RNLS: variants seen among roughly 807,000 people sequenced by gnomAD.
The protein encoded by RNLS is renalase, FAD dependent amine oxidase.
A neutral mutation model predicts 39.8 loss-of-function variants in RNLS; 39 were observed. The ratio of observed to expected loss-of-function variants is 0.98; its 90% CI spans 0.76 to 1.28. The LOEUF (loss-of-function observed/expected upper bound fraction) is 1.28. RNLS is among the 50% of genes most tolerant of loss of function. RNLS has a pLI of 0.00. For missense variants in RNLS, 410 were observed against 413.3 expected (o/e 0.99, Z 0.07); for synonymous variants, 147 against 150.7 (o/e 0.98, Z 0.18).
chr10:88,452,733 C>T (rs577555427), intron 4 of RNLS, among the ~76,000 whole-genome samples: 1 of 152,240 alleles, frequency 6.6e-6, no homozygotes, highest in African/African-American at 2.4e-5. Context: ...GAGACAAGAC[C>T]CAGGAAGTGA....
chr10:88,308,008 A>C (rs1028820368), intron 6 of RNLS, among the ~76,000 whole-genome samples: 1 of 152,198 alleles, frequency 6.6e-6, no homozygotes, highest in Non-Finnish European at 1.5e-5. Flanking sequence ...CTGATCTTTG[A>C]CAAAAACAAG....
intron 6 of RNLS, among the ~76,000 whole-genome samples, chr10:88,294,749 T>C (rs1843948586): frequency 6.6e-6 from 1 of 152,150 alleles, no homozygotes; most frequent in South Asian, 2.1e-4. Flanking sequence ...TGTATATGAC[T>C]GGCATTGAAT....
chr10:88,203,796 CT>C, the RNLS span, among the ~76,000 whole-genome samples: 1 of 151,346 alleles, frequency 6.6e-6, no homozygotes, highest in Non-Finnish European at 1.5e-5. Flanking sequence ...ATTATATTAA[CT>C]GTAGGAACAT....
intron 4 of RNLS, among the ~76,000 whole-genome samples, chr10:88,527,861 C>G (rs1418836177): frequency 6.7e-6 from 1 of 149,412 alleles, no homozygotes; most frequent in Non-Finnish European, 1.5e-5. Flanking sequence ...AAAATAAAAT[C>G]TGGGAAAAAA....
At position 88,388,849 on chromosome 10, in the gene RNLS, C is replaced by G. The variant is rs557912403; in HGVS notation, c.527-26124G>C. 2.6e-5 allele frequency among the ~76,000 whole-genome samples: 4 copies of G among 152,260 alleles called. No individual in the cohort carries two copies. The South Asian group carries it at 8.3e-4, about 32-fold the overall frequency. ...ATCACTGTATCCCCAGAGCTTACAA[C>G]GTGGTACACAGGAGATACTCAATAA... On this transcript the variant is annotated intron_variant, in intron 4 of 6. Coordinates refer to ENST00000331772, the MANE Select transcript of RNLS (RefSeq NM_001031709.3).
At chr10:88,387,502 CAAAAAAAAAAA>C (rs5786817) in intron 4 of RNLS, among the ~76,000 whole-genome samples, 1 of 70,114 alleles carries the variant, frequency 1.4e-5, no homozygotes, top group East Asian at 4.1e-4. Flanking sequence ...GAGAACAGAG[CAAAAAAAAAAA>C]AAAAAAAAAA....
intron 4 of RNLS, among the ~76,000 whole-genome samples, chr10:88,519,671 A>G (rs1430559441): frequency 3.4e-5 from 5 of 146,544 alleles, no homozygotes; most frequent in Non-Finnish European, 7.6e-5. Flanking sequence ...TGTGCTCTTG[A>G]ATAAGCACTG....
chr10:88,247,583 G>C, the RNLS span, among the ~76,000 whole-genome samples: 1 of 152,140 alleles, frequency 6.6e-6, no homozygotes, highest in Non-Finnish European at 1.5e-5. Context: ...GTTGTGGTAA[G>C]GATTAAGTGA....
At chr10:88,314,753 G>A in intron 5 of RNLS, 112 bp from the exon 6 acceptor site, 1 of 867,010 alleles carries the variant, frequency 1.2e-6, no homozygotes, top group Non-Finnish European at 1.7e-6. Flanking sequence ...GCAATAAATG[G>A]AGGAAAAACT....
intron 4 of RNLS, among the ~76,000 whole-genome samples, chr10:88,560,456 C>T (rs183584226): frequency 2.0e-5 from 3 of 152,120 alleles, no homozygotes; most frequent in African/African-American, 7.2e-5. Context: ...CTACCCTGAG[C>T]CCCACAGCCC....
the RNLS span, among the ~76,000 whole-genome samples, chr10:88,220,582 G>C: frequency 6.6e-6 from 1 of 152,172 alleles, no homozygotes; most frequent in Non-Finnish European, 1.5e-5. Context: ...TCTTATTCGT[G>C]TATTTATTCA....
exon 7 of RNLS, chr10:88,274,638 A>T: frequency 4.0e-6 from 1 of 249,906 alleles, no homozygotes; most frequent in South Asian, 6.0e-5. Flanking sequence ...TTGTGAATAA[A>T]GCCGCTGTGA....
chr10:88,408,903 G>C (rs1057098638), intron 4 of RNLS, among the ~76,000 whole-genome samples: 11 of 152,016 alleles, frequency 7.2e-5, no homozygotes, highest in Non-Finnish European at 8.8e-5. Flanking sequence ...TGAAAAGTTA[G>C]ATTTGTTTTA....
At chr10:88,189,040 G>A in the RNLS span, among the ~76,000 whole-genome samples, 1 of 152,254 alleles carries the variant, frequency 6.6e-6, no homozygotes, top group Non-Finnish European at 1.5e-5. Flanking sequence ...CTGGATTTCA[G>A]TTTTCTCGTT....
chr10:88,218,425 A>G, the RNLS span, among the ~76,000 whole-genome samples: 1 of 152,230 alleles, frequency 6.6e-6, no homozygotes, highest in Non-Finnish European at 1.5e-5. Flanking sequence ...GCAGATGGGA[A>G]GCACACTTTC....
chr10:88,276,878 C>G (rs1425843840), intron 6 of RNLS, among the ~76,000 whole-genome samples: 2 of 152,130 alleles, frequency 1.3e-5, no homozygotes. Context: ...TGCAATTTCC[C>G]TCTAGGGACA....
At chr10:88,192,435 T>C in the RNLS span, among the ~76,000 whole-genome samples, 1 of 152,380 alleles carries the variant, frequency 6.6e-6, no homozygotes. Context: ...AGAAGTTTAT[T>C]TGGAAAATCT....
At chr10:88,269,259 C>T (rs960773310), downstream of RNLS, among the ~76,000 whole-genome samples, 1 of 152,140 alleles carries the variant, frequency 6.6e-6, no homozygotes, top group Non-Finnish European at 1.5e-5. Flanking sequence ...TTGGCATTCA[C>T]AGGGAGTGGA....
At chr10:88,195,596 C>G in the RNLS span, among the ~76,000 whole-genome samples, 1 of 152,132 alleles carries the variant, frequency 6.6e-6, no homozygotes, top group African/African-American at 2.4e-5. Flanking sequence ...AGAATTTCCC[C>G]ATAGTTCATT....
Sources: allele counts gnomAD v4.1 joint callset (sites outside exome capture counted in the v4.1 genomes callset), GRCh38; gene constraint gnomAD v4.1.1; transcripts MANE v1.5; gene names NCBI Gene and HGNC (gene_info 2026-07-23, HGNC 2026-07-21).